RAD51B: variants seen among roughly 807,000 people sequenced by gnomAD.
The protein encoded by RAD51B is DNA repair protein RAD51 homolog 2.
RAD51B carries 38 observed loss-of-function variants against 42.2 expected under a neutral mutation model. That is an observed-to-expected ratio of 0.90 (90% CI 0.70 to 1.18). The LOEUF is 1.18. RAD51B is among the 50% of genes most tolerant of loss of function. The pLI is 0.00. For synonymous variants in RAD51B, 154 were observed against 145.2 expected, an observed-to-expected ratio of 1.06 and a Z score of -0.43; for missense variants, 373 against 400.7, an observed-to-expected ratio of 0.93 and a Z score of 0.59.
At chr14:67,895,205 C>T (rs1001392144) in intron 7 of RAD51B, among the ~76,000 whole-genome samples, 2 of 152,190 alleles carry the variant, frequency 1.3e-5, no homozygotes, top group African/African-American at 4.8e-5. Flanking sequence ...CCAGTTGTAG[C>T]TCTTAGTCTT....
chr14:68,053,135 C>T (rs2076420888), intron 7 of RAD51B, among the ~76,000 whole-genome samples: 1 of 152,150 alleles, frequency 6.6e-6, no homozygotes, highest in African/African-American at 2.4e-5. Flanking sequence ...GAGCTGTGGG[C>T]TCTGCCTTTT....
chr14:68,228,140 AG>A (rs1484270982), intron 7 of RAD51B, among the ~76,000 whole-genome samples: 1 of 152,160 alleles, frequency 6.6e-6, no homozygotes, highest in African/African-American at 2.4e-5. Flanking sequence ...GCCAGAATTT[AG>A]TCTGAAAATC....
intron 10 of RAD51B, among the ~76,000 whole-genome samples, chr14:68,537,697 G>T (rs1487243292): frequency 6.6e-6 from 1 of 152,134 alleles, no homozygotes; most frequent in Non-Finnish European, 1.5e-5. Flanking sequence ...AGATTAAAAA[G>T]ACAATTAATG....
intron 10 of RAD51B, among the ~76,000 whole-genome samples, chr14:68,487,734 C>G (rs1883742950): frequency 6.6e-6 from 1 of 152,132 alleles, no homozygotes; most frequent in Admixed American, 6.5e-5. Flanking sequence ...GTCTTGAACT[C>G]CTGACCAGAG....
Position 68,513,485 on chromosome 14 carries a change from C to T in RAD51B, c.1036+45235C>T, listed in dbSNP as rs527545477. On this transcript the variant is annotated intron_variant, in intron 10 of 10. Transcript: ENST00000487270. ...AAGTTACTGGTGCAGGGTCTGAAGCCCCCAGCTGGGCTGTTTGGCCACCCA... is the reference window on the plus strand; with the variant it reads ...AAGTTACTGGTGCAGGGTCTGAAGCTCCCAGCTGGGCTGTTTGGCCACCCA... 5.3e-5 allele frequency among the ~76,000 whole-genome samples: 8 copies of T among 152,322 alleles called. No individual in the cohort carries two copies. In the East Asian group the frequency reaches 1.2e-3, roughly 22 times the overall value.
At position 68,427,410 on chromosome 14, in the gene RAD51B, C is replaced by T. The variant is rs74059314; in HGVS notation, c.957+15883C>T. Reference sequence around the variant, plus strand: ...GACTAGCAAAGCCATGGGGTTGGAGCTTCCCAAGGTCTTCTGGGTACAACC... The same window carrying T: ...GACTAGCAAAGCCATGGGGTTGGAGTTTCCCAAGGTCTTCTGGGTACAACC... On this transcript the variant is annotated intron_variant, in intron 9 of 10. Transcript: ENST00000471583. Among the ~76,000 whole-genome samples the T allele has an allele frequency of 2.5e-3, 375 of 152,304 alleles. 3 individuals are homozygous for T. The highest frequency in any genetic ancestry group is 0.014 in the Middle Eastern group (4 of 294).
intron 10 of RAD51B, among the ~76,000 whole-genome samples, chr14:68,560,626 C>T (rs1019353207): frequency 1.3e-5 from 2 of 152,174 alleles, no homozygotes; most frequent in African/African-American, 4.8e-5. Flanking sequence ...ATCCCAGCTA[C>T]TCGGGAGAGT....
chr14:68,452,941 C>A (rs965851446), intron 9 of RAD51B, among the ~76,000 whole-genome samples: 2 of 152,126 alleles, frequency 1.3e-5, no homozygotes, highest in Non-Finnish European at 2.9e-5. Flanking sequence ...TTGTACTTGA[C>A]CCCAAGCCTC....
At chr14:67,912,956 G>C (rs1448078490) in intron 7 of RAD51B, among the ~76,000 whole-genome samples, 1 of 152,046 alleles carries the variant, frequency 6.6e-6, no homozygotes, top group Non-Finnish European at 1.5e-5. Context: ...TGCCCGACTT[G>C]GCCTCCCAAA....
chr14:68,046,988 C>T (rs1555346386), intron 7 of RAD51B, among the ~76,000 whole-genome samples: 1 of 148,674 alleles, frequency 6.7e-6, no homozygotes, highest in Admixed American at 6.7e-5. Context: ...TCTAACATTT[C>T]CTATGTTCCC....
chr14:68,283,739 A>G (rs2331666), intron 7 of RAD51B, among the ~76,000 whole-genome samples: 152,186 of 152,296 alleles, frequency 1, 76,038 homozygotes, highest in Non-Finnish European at 1. Context: ...TGGGGCAGCC[A>G]GCAGTGGAAC....
chr14:67,840,267 C>A (rs1432616910), intron 4 of RAD51B, among the ~76,000 whole-genome samples: 1 of 152,046 alleles, frequency 6.6e-6, no homozygotes, highest in East Asian at 1.9e-4. Context: ...GTTTTTTTAG[C>A]CTTTTTCCCT....
At chr14:68,352,377 A>G (rs2082808616) in intron 8 of RAD51B, among the ~76,000 whole-genome samples, 1 of 152,228 alleles carries the variant, frequency 6.6e-6, no homozygotes, top group Non-Finnish European at 1.5e-5. Context: ...GCAGGAACCT[A>G]GAAAGTGACC....
intron 7 of RAD51B, among the ~76,000 whole-genome samples, chr14:68,093,508 C>T (rs2077139100): frequency 6.6e-6 from 1 of 152,184 alleles, no homozygotes; most frequent in Non-Finnish European, 1.5e-5. Flanking sequence ...ATAGTATTCT[C>T]TGATGTTAGT....
chr14:68,492,095 C>T (rs530144981), intron 10 of RAD51B, among the ~76,000 whole-genome samples: 2 of 152,302 alleles, frequency 1.3e-5, no homozygotes, highest in East Asian at 1.9e-4. Context: ...TTGCTGGAAC[C>T]CTTTTCTCCA....
chr14:68,414,786 C>T (rs192117740), intron 9 of RAD51B, among the ~76,000 whole-genome samples: 79 of 148,116 alleles, frequency 5.3e-4, no homozygotes, highest in Non-Finnish European at 8.4e-4. Context: ...TTTTGGGAGG[C>T]CAAGGTGGGT....
chr14:68,327,168 T>C (rs2082266041), intron 8 of RAD51B, among the ~76,000 whole-genome samples: 1 of 152,202 alleles, frequency 6.6e-6, no homozygotes, highest in South Asian at 2.1e-4. Flanking sequence ...CTTAATTTTA[T>C]CTGTTTTAGA....
intron 7 of RAD51B, among the ~76,000 whole-genome samples, chr14:67,980,398 C>G (rs935724281): frequency 6.6e-6 from 1 of 152,122 alleles, no homozygotes; most frequent in African/African-American, 2.4e-5. Flanking sequence ...GAGCCAAGAT[C>G]GCGCCATTGC....
intron 7 of RAD51B, among the ~76,000 whole-genome samples, chr14:68,040,377 A>G (rs1019195279): frequency 1.3e-5 from 2 of 152,176 alleles, no homozygotes; most frequent in Non-Finnish European, 2.9e-5. Flanking sequence ...TTTACTTTGT[A>G]ATTTTTTAAA....
Sources: allele counts gnomAD v4.1 joint callset (sites outside exome capture counted in the v4.1 genomes callset), GRCh38; gene constraint gnomAD v4.1.1; transcripts MANE v1.5; gene names NCBI Gene and HGNC (gene_info 2026-07-23, HGNC 2026-07-21).